TMEM47: variants seen among roughly 807,000 people sequenced by gnomAD.
The protein encoded by TMEM47 is transmembrane protein 47.
TMEM47 carries 3 observed loss-of-function variants against 12.4 expected under a neutral mutation model. That is an observed-to-expected ratio of 0.24 (90% CI 0.11 to 0.63). The LOEUF is 0.63. Among genes scored for constraint, TMEM47 ranks in the 20% least tolerant of loss-of-function variants. The pLI is 0.86. For missense variants in TMEM47, 89 were observed against 143.8 expected, an observed-to-expected ratio of 0.62 and a Z score of 1.95; for synonymous variants, 62 against 63.3, an observed-to-expected ratio of 0.98 and a Z score of 0.10.
intron 2 of TMEM47, among the ~76,000 whole-genome samples, chrX:34,633,831 C>G (rs941621336): frequency 9.0e-6 from 1 of 111,573 alleles, no homozygotes; most frequent in African/African-American, 3.3e-5. Context: ...TACTGGCATA[C>G]TCTCCCGAAC....
intron 1 of TMEM47, among the ~76,000 whole-genome samples, chrX:34,650,954 T>C (rs1390374736): frequency 9.2e-6 from 1 of 108,986 alleles, no homozygotes; most frequent in Non-Finnish European, 1.9e-5. Flanking sequence ...AGTTCTTAAG[T>C]ACAGAAGCTA....
chrX:34,644,855 A>C (rs1208747039), intron 1 of TMEM47, among the ~76,000 whole-genome samples: 3 of 111,536 alleles, frequency 2.7e-5, no homozygotes, highest in African/African-American at 9.8e-5. Context: ...TCACACTCAC[A>C]TTTGTCAGAC....
chrX:34,644,985 T>C (rs765679081), intron 1 of TMEM47, among the ~76,000 whole-genome samples: 2 of 112,103 alleles, frequency 1.8e-5, no homozygotes, highest in Non-Finnish European at 3.8e-5. Context: ...TTTTTACCTA[T>C]CATCTTGAAT....
intron 2 of TMEM47, among the ~76,000 whole-genome samples, chrX:34,637,927 C>T (rs967196786): frequency 1.7e-4 from 19 of 110,129 alleles, no homozygotes; most frequent in African/African-American, 6.3e-4. Flanking sequence ...TAATGGTGTG[C>T]TGTCGGCTCA....
chrX:34,639,832 C>A (rs188545959), intron 1 of TMEM47, among the ~76,000 whole-genome samples: 1 of 111,173 alleles, frequency 9.0e-6, no homozygotes, highest in Non-Finnish European at 1.9e-5. Context: ...TTCTCTTGCG[C>A]CCCTTCCCAG....
In TMEM47 at chrX:34,629,667, C is replaced by T. The variant is rs745372724; in HGVS notation, c.*646G>A. ...CTAGATAGGGCTGAGGCACCAATTT[C>T]TAACCACATAATGAGAAGCACATGT... On this transcript the variant is annotated 3_prime_UTR_variant, in exon 3 of 3. Coordinates refer to ENST00000275954, the MANE Select transcript of TMEM47 (RefSeq NM_031442.4). The T allele has an allele frequency of 1.8e-5, 2 of 111,734 alleles. No homozygotes were observed. Among genetic ancestry groups the T allele is most frequent in the Non-Finnish European group, 3.8e-5 (2 of 53,218 alleles). The allele number at this position is 111,734 out of a possible 1,213,427, so 9.2% of individuals were successfully genotyped here.
At chrX:34,631,057 G>A (rs1380935659) in intron 2 of TMEM47, among the ~76,000 whole-genome samples, 1 of 104,431 alleles carries the variant, frequency 9.6e-6, no homozygotes, top group Non-Finnish European at 1.9e-5. Flanking sequence ...TGTAATCCCA[G>A]CTACTCAGGA....
chrX:34,631,476 G>C (rs758395451), intron 2 of TMEM47, among the ~76,000 whole-genome samples: 26 of 111,312 alleles, frequency 2.3e-4, no homozygotes, highest in Non-Finnish European at 3.4e-4. Flanking sequence ...TGGCTTAAAA[G>C]TTATTAACAG....
chrX:34,646,043 T>C (rs1921905201), intron 1 of TMEM47, among the ~76,000 whole-genome samples: 1 of 111,167 alleles, frequency 9.0e-6, no homozygotes, highest in African/African-American at 3.3e-5. Context: ...CAGGTAACCA[T>C]CCAAACAGAT....
intron 1 of TMEM47, among the ~76,000 whole-genome samples, chrX:34,653,140 T>A (rs1292821635): frequency 1.8e-5 from 2 of 111,764 alleles, no homozygotes; most frequent in Admixed American, 1.9e-4. Flanking sequence ...CCTTTTAAAG[T>A]AGCTTTTTAT....
chrX:34,635,880 C>G, intron 2 of TMEM47, among the ~76,000 whole-genome samples: 1 of 111,360 alleles, frequency 9.0e-6, no homozygotes, highest in Middle Eastern at 4.6e-3. Context: ...TTGATAGGCC[C>G]TACCAGCCAG....
At chrX:34,649,693 G>A (rs1028927837) in intron 1 of TMEM47, among the ~76,000 whole-genome samples, 12 of 110,782 alleles carry the variant, frequency 1.1e-4, no homozygotes, top group Non-Finnish European at 2.1e-4. Context: ...CATGTACCCC[G>A]AACCTAAAAT....
chrX:34,633,952 T>C (rs779522634), intron 2 of TMEM47, among the ~76,000 whole-genome samples: 13 of 111,432 alleles, frequency 1.2e-4, no homozygotes, highest in Non-Finnish European at 2.1e-4. Context: ...ATGAATGTAA[T>C]AGCAAAACTG....
In TMEM47 at chrX:34,656,989, G is replaced by A; in HGVS notation, c.41C>T (p.Ser14Leu). The change falls in exon 1 of 3, where the codon TCG becomes TTG. Residue 14 changes from serine to leucine, a missense_variant. Coordinates refer to ENST00000275954, the MANE Select transcript of TMEM47 (RefSeq NM_031442.4). ...AGSGMEEVRVSVLTPLKLVGL... is the reference protein window; with the variant it reads ...AGSGMEEVRVLVLTPLKLVGL... The stretch of plus-strand genomic sequence containing the variant: ...GACCAGCTTCAAGGGGGTCAGCACC[G>A]ACACGCGCACCTCCTCCATGCCGCT... 8.5e-7 allele frequency: 1 copy of A among 1,173,858 alleles called. No individual in the cohort carries two copies. The highest frequency in any genetic ancestry group is 1.9e-5 in the South Asian group (1 of 52,682).
chrX:34,647,659 G>A (rs745313552), intron 1 of TMEM47, among the ~76,000 whole-genome samples: 25 of 111,592 alleles, frequency 2.2e-4, no homozygotes, highest in Non-Finnish European at 4.3e-4. Flanking sequence ...TTTCAAGGGA[G>A]GTGAACCAAT....
intron 2 of TMEM47, among the ~76,000 whole-genome samples, chrX:34,637,034 C>T (rs1921729785): frequency 8.9e-6 from 1 of 111,989 alleles, no homozygotes; most frequent in Non-Finnish European, 1.9e-5. Flanking sequence ...GAACCTGTTT[C>T]TTCATTGATA....
intron 1 of TMEM47, among the ~76,000 whole-genome samples, chrX:34,642,119 A>C (rs753925401): frequency 1.1e-4 from 12 of 112,710 alleles, no homozygotes; most frequent in African/African-American, 3.9e-4. Flanking sequence ...GGCCTCCCAA[A>C]GTGCTGGGAT....
Position 34,656,878 on chromosome X carries a change from T to A in TMEM47, c.152A>T (p.Tyr51Phe), listed in dbSNP as rs1292576106. 1 of 1,172,610 alleles carries A rather than the reference T, an allele frequency of 8.5e-7. No individual in the cohort carries two copies. Among genetic ancestry groups the A allele is most frequent in the Non-Finnish European group, 1.1e-6 (1 of 876,730 alleles). The change falls in exon 1 of 3, where the codon TAC becomes TTC. Residue 51 changes from tyrosine to phenylalanine, a missense_variant. Coordinates refer to ENST00000275954, the MANE Select transcript of TMEM47 (RefSeq NM_031442.4). ...PAWVTADHQY[Y>F]LSLWESCRKP... ...CCGGCAGGACTCCCACAACGACAGG[T>A]AGTACTGGTGGTCAGCTGTGACCCA... is the stretch of plus-strand genomic sequence containing the variant.
At position 34,628,785 on chromosome X, in the gene TMEM47, A is replaced by C; in HGVS notation, c.*1528T>G. On this transcript the variant is annotated 3_prime_UTR_variant, in exon 3 of 3. Transcript: ENST00000275954. ...AGTGTCTTTGTTAACAAAAATAATT[A>C]TTTATAACTTTTATATTAGAACTGT... is the stretch of plus-strand genomic sequence containing the variant. 1 of 112,262 alleles carries C rather than the reference A, an allele frequency of 8.9e-6. No homozygotes were observed. 9.3% of individuals were successfully genotyped at this position (112,262 alleles called of 1,213,427 possible). A position where few individuals can be genotyped will look rare whatever the true frequency, so the allele number is the denominator to read the frequency against.
Sources: gnomAD v4.1 joint callset for allele counts (sites outside exome capture counted in the v4.1 genomes callset) on GRCh38, gnomAD v4.1.1 for gene constraint, MANE v1.5 for transcripts, NCBI Gene and HGNC (gene_info 2026-07-23, HGNC 2026-07-21) for gene names.